The following XIAP variants were observed in gnomAD, a reference collection of about 807,000 sequenced individuals.
XIAP encodes the protein E3 ubiquitin-protein ligase XIAP.
XIAP carries 3 observed loss-of-function variants against 33.1 expected under a neutral mutation model. The observed-to-expected ratio is 0.09, with a 90% confidence interval of 0.04 to 0.23. The LOEUF (loss-of-function observed/expected upper bound fraction) is 0.23, where lower values mean the gene tolerates loss of function less well. XIAP is among the 10% of genes least tolerant of loss of function. The pLI, the probability that XIAP is intolerant of heterozygous loss-of-function variation, is 1.00. For synonymous variants in XIAP, 98 were observed against 121.3 expected (o/e 0.81, Z 1.26); for missense variants, 264 against 363.0 (o/e 0.73, Z 2.22).
In XIAP at chrX:123,910,239, C is replaced by T. The variant is rs938664468; in HGVS notation, c.*3058C>T. The T allele has an allele frequency of 2.0e-4, 67 of 327,338 alleles. 1 individual carries two copies. Among genetic ancestry groups the T allele is most frequent in the Admixed American group, 2.0e-3 (63 of 31,838 alleles). 27.0% of individuals were successfully genotyped at this position (327,338 alleles called of 1,213,427 possible). A position where few individuals can be genotyped will look rare whatever the true frequency, so the allele number is the denominator to read the frequency against. On this transcript the variant is annotated 3_prime_UTR_variant, in exon 7 of 7. Transcript: ENST00000371199. ...CTTTCCTGCTACATTTGGTTTTTTC[C>T]CCTGTCCCTTTGATTACGGGCTAAG...
rs200405629 is a variant in XIAP at position 123,894,306 on chromosome X, AAT to A, written c.1099+1535_1099+1536del. 5.0e-4 allele frequency among the ~76,000 whole-genome samples: 56 copies of A among 112,770 alleles called. No individual in the cohort carries two copies. In the East Asian group the frequency reaches 0.015, roughly 30 times the overall value. ...GTGACTTGCGCACAATCACATTACA[AAT>A]AGTTAGTGGAACTAGGACCACAAGC... On this transcript the variant is annotated intron_variant, in intron 5 of 6. Transcript: ENST00000371199.
chrX:123,888,781 T>A, intron 3 of XIAP, 63 bp downstream of exon 3: 1 of 996,717 alleles, frequency 1.0e-6, no homozygotes, highest in Admixed American at 2.3e-5. Flanking sequence ...AGACTTGAAT[T>A]ACTTTTTACC....
chrX:123,888,204 G>A (rs1381107593), intron 2 of XIAP, among the ~76,000 whole-genome samples: 2 of 108,595 alleles, frequency 1.8e-5, no homozygotes, highest in Non-Finnish European at 3.8e-5. Flanking sequence ...GTGTGGTGGC[G>A]CATGCCTGTA....
intron 5 of XIAP, among the ~76,000 whole-genome samples, chrX:123,893,795 C>A (rs1331139593): frequency 9.0e-6 from 1 of 111,664 alleles, no homozygotes; most frequent in African/African-American, 3.3e-5. Context: ...CAGCTGAGAT[C>A]GTGCCAGTGC....
intron 1 of XIAP, chrX:123,872,646 C>G (rs1227979601): frequency 9.0e-6 from 1 of 111,002 alleles, no homozygotes; most frequent in East Asian, 2.8e-4. Context: ...CGAGATCACG[C>G]CACTGCACTC....
At chrX:123,902,631 T>A (rs1431846507) in intron 6 of XIAP, among the ~76,000 whole-genome samples, 1 of 111,684 alleles carries the variant, frequency 9.0e-6, no homozygotes, top group South Asian at 3.7e-4. Flanking sequence ...ACCGAATCAG[T>A]ATCTTTTTTT....
rs1480591955 is a variant in XIAP, at chrX:123,910,822, C to T, written c.*3641C>T. 1 of 290,626 alleles carries T rather than the reference C, an allele frequency of 3.4e-6. No individual in the cohort carries two copies. The highest frequency in any genetic ancestry group is 6.4e-6 in the Non-Finnish European group (1 of 157,071). 24.0% of individuals were successfully genotyped at this position (290,626 alleles called of 1,213,427 possible). On this transcript the variant is annotated 3_prime_UTR_variant, in exon 7 of 7. Coordinates refer to ENST00000371199, the MANE Select transcript of XIAP (RefSeq NM_001167.4). ...GGCAGAGCTTGCAGTGAGCCGAGAT[C>T]TCGCCACTGCACTCCAGCCTGGGCA...
At position 123,885,640 on chromosome X, in the gene XIAP, A is replaced by G; in HGVS notation, c.-23A>G. ...AATGTTCTCTTTTTAGAAAAGGTGGACAAGTCCTATTTTCAAGAGAAGATG... is the reference window on the plus strand; with the variant it reads ...AATGTTCTCTTTTTAGAAAAGGTGGGCAAGTCCTATTTTCAAGAGAAGATG... On this transcript the variant is annotated 5_prime_UTR_variant, in exon 2 of 7. Coordinates refer to ENST00000371199, the MANE Select transcript of XIAP (RefSeq NM_001167.4). The G allele has an allele frequency of 8.3e-7, 1 of 1,206,687 alleles. No homozygotes were observed. Among genetic ancestry groups the G allele is most frequent in the Non-Finnish European group, 1.1e-6 (1 of 893,198 alleles).
Position 123,886,235 on chromosome X carries a change from C to T in XIAP, c.573C>T (p.Tyr191=). ...PRELASAGLY[Y]TGIGDQVQCF... ...AGTTAGCAAGTGCTGGACTCTACTA[C>T]ACAGGTATTGGTGACCAAGTGCAGT... The change falls in exon 2 of 7, where the codon TAC becomes TAT. Residue 191 remains tyrosine (Y), a synonymous_variant. Transcript: ENST00000371199. The T allele has an allele frequency of 8.2e-7, 1 of 1,212,132 alleles. No individual in the cohort carries two copies. The highest frequency in any genetic ancestry group is 1.1e-6 in the Non-Finnish European group (1 of 895,587).
chrX:123,890,177 C>T (rs1195224751), intron 3 of XIAP, among the ~76,000 whole-genome samples: 3 of 101,496 alleles, frequency 3.0e-5, no homozygotes, highest in Non-Finnish European at 6.0e-5. Context: ...CTACCACGCC[C>T]GGCTAATTTT....
At chrX:123,866,482 TTATA>T (rs2053136766) in intron 1 of XIAP, among the ~76,000 whole-genome samples, 1 of 80,618 alleles carries the variant, frequency 1.2e-5, no homozygotes, top group African/African-American at 4.5e-5. Flanking sequence ...ATACAATATA[TTATA>T]TATGATTAAT....
At chrX:123,860,460 G>A (rs920262092) in intron 1 of XIAP, 167 bp downstream of exon 1, 1 of 261,671 alleles carries the variant, frequency 3.8e-6, no homozygotes, top group Non-Finnish European at 7.3e-6. Context: ...GCTTGCCCGG[G>A]TTCCTCGGAC....
At chrX:123,868,064 G>A (rs750180194) in intron 1 of XIAP, among the ~76,000 whole-genome samples, 3 of 111,856 alleles carry the variant, frequency 2.7e-5, no homozygotes, top group Non-Finnish European at 5.6e-5. Context: ...GGTCAGGCAT[G>A]GTGACTCATA....
chrX:123,860,264 G>C lies in XIAP; in HGVS notation c.-62G>C, dbSNP rs1213307860. The C allele has an allele frequency of 1.5e-5, 5 of 328,652 alleles. No homozygotes were observed. The highest frequency in any genetic ancestry group is 2.9e-5 in the Non-Finnish European group (5 of 169,809). 27.1% of individuals were successfully genotyped at this position (328,652 alleles called of 1,213,427 possible). A position where few individuals can be genotyped will look rare whatever the true frequency, so the allele number is the denominator to read the frequency against. On this transcript the variant is annotated 5_prime_UTR_variant, in exon 1 of 7. Coordinates refer to ENST00000371199, the MANE Select transcript of XIAP (RefSeq NM_001167.4). ...CCCCTTGGACCGAGCCGATCGCCGC[G>C]GGGCAGTTCGGGCCGGCTGTCCTGG...
intron 1 of XIAP, among the ~76,000 whole-genome samples, chrX:123,870,091 C>T (rs984976440): frequency 1.8e-5 from 2 of 112,593 alleles, no homozygotes; most frequent in Admixed American, 1.9e-4. Context: ...TCCTTAGTAG[C>T]TGGGACTACA....
At chrX:123,880,318 G>A (rs1248578186) in intron 1 of XIAP, among the ~76,000 whole-genome samples, 3 of 108,334 alleles carry the variant, frequency 2.8e-5, no homozygotes, top group Non-Finnish European at 5.7e-5. Context: ...GGCTGAGGTG[G>A]GAGAATCACT....
rs2148117108 is a variant in XIAP, at chrX:123,912,674, T to G, written c.*5493T>G. The G allele has an allele frequency of 3.3e-6, 1 of 301,787 alleles. No individual in the cohort carries two copies. The highest frequency in any genetic ancestry group is 2.8e-5 in the South Asian group (1 of 35,687). The allele number at this position is 301,787 out of a possible 1,213,427, so 24.9% of individuals were successfully genotyped here. A position where few individuals can be genotyped will look rare whatever the true frequency, so the allele number is the denominator to read the frequency against. On this transcript the variant is annotated 3_prime_UTR_variant, in exon 7 of 7. Transcript: ENST00000371199. ...ATGTGATGAAGATGTGCATACATTA[T>G]ATGCAAATACTGTTTTTTTTTTTTT...
chrX:123,859,807 A>AT, upstream of XIAP: 5 of 237,408 alleles, frequency 2.1e-5, no homozygotes, highest in Non-Finnish European at 1.6e-5. Flanking sequence ...CAAGGGCCTC[A>AT]TTTTTTCTTA....
At chrX:123,905,422 A>G (rs1048055000) in intron 6 of XIAP, among the ~76,000 whole-genome samples, 2 of 111,568 alleles carry the variant, frequency 1.8e-5, no homozygotes, top group Non-Finnish European at 3.8e-5. Context: ...TCCTTCTCCT[A>G]GTAAACTCCT....
Sources: allele counts gnomAD v4.1 joint callset (sites outside exome capture counted in the v4.1 genomes callset), GRCh38; gene constraint gnomAD v4.1.1; transcripts MANE v1.5; gene names NCBI Gene and HGNC (gene_info 2026-07-23, HGNC 2026-07-21).